The following MSN variants were observed in gnomAD, a reference collection of about 807,000 sequenced individuals.
MSN encodes epididymis luminal protein 70.
A neutral mutation model predicts 48.0 loss-of-function variants in MSN; 2 were observed. The ratio of observed to expected loss-of-function variants is 0.04; its 90% CI spans 0.02 to 0.13. The LOEUF (loss-of-function observed/expected upper bound fraction) is 0.13, where lower values mean the gene tolerates loss of function less well. Among genes scored for constraint, MSN ranks in the 10% least tolerant of loss-of-function variants. The pLI is 1.00. For synonymous variants in MSN, 146 were observed against 166.9 expected (o/e 0.87, Z 0.97); for missense variants, 267 against 470.1 (o/e 0.57, Z 3.99).
intron 1 of MSN, among the ~76,000 whole-genome samples, chrX:65,617,262 G>T (rs1331312090): frequency 2.7e-5 from 3 of 110,381 alleles, no homozygotes; most frequent in African/African-American, 1.0e-4. Flanking sequence ...CTATTGATTG[G>T]AATAGTTTAG....
chrX:65,604,624 A>C (rs1479112077), intron 1 of MSN, among the ~76,000 whole-genome samples: 4 of 111,796 alleles, frequency 3.6e-5, no homozygotes, highest in Non-Finnish European at 7.5e-5. Flanking sequence ...TCTTTCCCCC[A>C]AATCTGCTCT....
chrX:65,673,580 G>A (rs1243183052), intron 1 of MSN, among the ~76,000 whole-genome samples: 2 of 110,582 alleles, frequency 1.8e-5, no homozygotes, highest in African/African-American at 6.6e-5. Flanking sequence ...TCAGGCTCCC[G>A]AGTAGCTGGG....
chrX:65,649,938 T>G (rs1176612325), intron 1 of MSN, among the ~76,000 whole-genome samples: 1 of 108,233 alleles, frequency 9.2e-6, no homozygotes, highest in East Asian at 2.9e-4. Context: ...CAGAAAAGGT[T>G]CTGGAATGAG....
chrX:65,667,947 C>A, intron 1 of MSN, 94 bp downstream of exon 1: 1 of 984,152 alleles, frequency 1.0e-6, no homozygotes, highest in Non-Finnish European at 1.4e-6. Flanking sequence ...AGCCACCGGC[C>A]CGCCTGGGAC....
chrX:65,663,236 C>G (rs1016117411), upstream of MSN, among the ~76,000 whole-genome samples: 1 of 100,549 alleles, frequency 9.9e-6, no homozygotes, highest in African/African-American at 3.7e-5. Flanking sequence ...CCAGTCTGGG[C>G]AACAAGAGTG....
chrX:65,589,788 C>T (rs768902600), intron 1 of MSN: 3 of 112,131 alleles, frequency 2.7e-5, no homozygotes, highest in East Asian at 5.6e-4. Context: ...CTCTACAAGC[C>T]GACTGAGCCA....
intron 1 of MSN, among the ~76,000 whole-genome samples, chrX:65,674,322 G>C (rs960788899): frequency 9.0e-6 from 1 of 111,551 alleles, no homozygotes; most frequent in Admixed American, 9.5e-5. Context: ...GTATTGAAAG[G>C]AGAACTTGGA....
At chrX:65,647,669 C>G (rs1422956986) in intron 1 of MSN, among the ~76,000 whole-genome samples, 1 of 112,227 alleles carries the variant, frequency 8.9e-6, no homozygotes, top group Non-Finnish European at 1.9e-5. Context: ...CTGCAGAATG[C>G]ATAGTATGCA....
chrX:65,692,913 C>G (rs1217916133), intron 1 of MSN, among the ~76,000 whole-genome samples: 2 of 111,656 alleles, frequency 1.8e-5, no homozygotes, highest in Non-Finnish European at 3.8e-5. Flanking sequence ...CTCCTGGCCT[C>G]AGGTGATCCT....
intron 1 of MSN, among the ~76,000 whole-genome samples, chrX:65,695,875 A>T (rs2071232357): frequency 1.2e-5 from 1 of 83,505 alleles, no homozygotes; most frequent in South Asian, 3.8e-4. Context: ...ATTTAACTTC[A>T]TGCCTTTGAG....
Position 65,612,963 on chromosome X carries a change from T to C in MSN, c.-22+24351T>C, listed in dbSNP as rs140304195. On this transcript the variant is annotated intron_variant, in intron 1 of 3. Coordinates refer to the MSN transcript ENST00000609672. ...TTGTTACGTAGATATACATATGCCA[T>C]GGTGGTTTGCTGCACCCATCAACTC... is the stretch of plus-strand genomic sequence containing the variant. Among the ~76,000 whole-genome samples, 674 of 109,670 alleles carry C rather than the reference T, an allele frequency of 6.1e-3. 5 individuals carry two copies. The highest frequency in any genetic ancestry group is 0.022 in the African/African-American group (648 of 29,934).
At chrX:65,659,450 G>A (rs1221614901) in intron 1 of MSN, among the ~76,000 whole-genome samples, 2 of 112,045 alleles carry the variant, frequency 1.8e-5, no homozygotes, top group East Asian at 2.8e-4. Flanking sequence ...CATCACTCCC[G>A]GCATCACATA....
chrX:65,683,850 G>C (rs1480230728), intron 1 of MSN, among the ~76,000 whole-genome samples: 1 of 110,905 alleles, frequency 9.0e-6, no homozygotes, highest in Non-Finnish European at 1.9e-5. Flanking sequence ...AAAGCCTCCT[G>C]TCTTCTGCCC....
At chrX:65,590,063 G>A (rs2070133240) in intron 1 of MSN, among the ~76,000 whole-genome samples, 2 of 110,332 alleles carry the variant, frequency 1.8e-5, no homozygotes, top group Non-Finnish European at 3.8e-5. Context: ...CACCATGTTG[G>A]TCAGGCTGGT....
At chrX:65,596,485 C>A (rs746181710) in intron 1 of MSN, among the ~76,000 whole-genome samples, 2 of 111,032 alleles carry the variant, frequency 1.8e-5, no homozygotes, top group East Asian at 2.8e-4. Context: ...TCACTCATTG[C>A]CCACAGTTGC....
chrX:65,619,902 CT>C (rs1171473409), intron 1 of MSN, among the ~76,000 whole-genome samples: 5 of 109,937 alleles, frequency 4.5e-5, no homozygotes, highest in Non-Finnish European at 3.8e-5. Context: ...GATGTCCTTT[CT>C]GTTTGTTAGT....
At position 65,596,600 on chromosome X, in the gene MSN, C is replaced by CT. The variant is rs1287923920; in HGVS notation, c.-22+8001dup. 5.9e-3 allele frequency among the ~76,000 whole-genome samples: 553 copies of CT among 93,580 alleles called. 2 individuals carry two copies. The highest frequency in any genetic ancestry group is 0.013 in the Admixed American group (108 of 8,033). The allele number at this position is 93,580 out of a possible 115,157, so 81.3% of individuals were successfully genotyped here. ...AAAGCTCTTTCCTATTTTTCTTTTT[C>CT]TTTTTTTTTTTTTATTTCAGCTTCC... On this transcript the variant is annotated intron_variant, in intron 1 of 3. Transcript: ENST00000609672.
chrX:65,708,556 G>A (rs2071384407), intron 1 of MSN, among the ~76,000 whole-genome samples: 1 of 111,600 alleles, frequency 9.0e-6, no homozygotes, highest in African/African-American at 3.3e-5. Flanking sequence ...GCCTCTCAAA[G>A]TGCGGGGATT....
chrX:65,731,812 G>T, intron 5 of MSN, 26 bp from the exon 6 acceptor site: 1 of 1,197,844 alleles, frequency 8.3e-7, no homozygotes, highest in Non-Finnish European at 1.1e-6. Context: ...GCCCCACTTT[G>T]TGACCCCCAA....
Sources: gnomAD v4.1 joint callset for allele counts (sites outside exome capture counted in the v4.1 genomes callset) on GRCh38, gnomAD v4.1.1 for gene constraint, MANE v1.5 for transcripts, NCBI Gene and HGNC (gene_info 2026-07-23, HGNC 2026-07-21) for gene names.